Variants in SPEG observed in about 807,000 individuals in gnomAD.
SPEG encodes striated muscle enriched protein kinase, also known as striated muscle preferentially expressed protein kinase.
A neutral mutation model predicts 300.4 loss-of-function variants in SPEG; 114 were observed. That is an observed-to-expected ratio of 0.38 (90% CI 0.33 to 0.44). SPEG has a LOEUF of 0.44. Ranked by LOEUF, SPEG falls within the 20% of genes least tolerant of loss-of-function variation. The probability of loss-of-function intolerance (pLI) is 1.00; values close to 1 mark genes in which losing one functional copy is unlikely to be tolerated. For missense variants in SPEG, 4,201 were observed against 4,586.2 expected (o/e 0.92, Z 2.43); for synonymous variants, 1,964 against 2,018.9 (o/e 0.97, Z 0.73).
At chr2:219,471,111 G>A (rs1321583897) in intron 13 of SPEG, among the ~76,000 whole-genome samples, 2 of 152,120 alleles carry the variant, frequency 1.3e-5, no homozygotes, top group African/African-American at 2.4e-5. Context: ...ATGTGCAGGC[G>A]AGAGGGTTGG....
Position 219,493,294 on chromosome 2 carries a change from C to T in SPEG, c.*508C>T, listed in dbSNP as rs1694136313. The T allele has an allele frequency of 5.6e-6, 2 of 355,964 alleles. No individual in the cohort carries two copies. The highest frequency in any genetic ancestry group is 4.2e-5 in the South Asian group (2 of 47,560). 22.1% of individuals were successfully genotyped at this position (355,964 alleles called of 1,614,324 possible). A position where few individuals can be genotyped will look rare whatever the true frequency, so the allele number is the denominator to read the frequency against. On this transcript the variant is annotated 3_prime_UTR_variant, in exon 41 of 41. Transcript: ENST00000312358. The stretch of plus-strand genomic sequence containing the variant: ...GACATGAGAGAAGGCAGCGAGGCGG[C>T]AGAGGGAGAAGAGAGGACTCAGGTG...
intron 6 of SPEG, among the ~76,000 whole-genome samples, chr2:219,452,116 G>A (rs3770225): frequency 0.96 from 146,094 of 152,280 alleles, 70,306 homozygotes; most frequent in Non-Finnish European, 1. Context: ...ACAGGGTCCT[G>A]TGGGGAAAGC....
At position 219,479,194 on chromosome 2, in the gene SPEG, A is replaced by G. The variant is rs747742461; in HGVS notation, c.5078A>G (p.Glu1693Gly). Residue 1693 changes from glutamate to glycine, a missense_variant, in exon 23 of 41, where the codon GAG (glutamate) becomes GGG (glycine). Physicochemically the swap from Glu to Gly is moderately conservative, Grantham distance 98. Transcript: ENST00000312358. This position sits in a 1 kb window ranked among gnomAD's most constrained non-coding sequence, Gnocchi z 5.5. ...ERIARKPTVC[E>G]SEIRAYMRQV... ...ATCGCCAGGAAACCCACCGTGTGTG[A>G]GTCTGAGGTGAGGGCAGTGGGTGGC... 6.2e-7 allele frequency: 1 copy of G among 1,613,348 alleles called. No homozygotes were observed.
At chr2:219,466,333 G>A (rs950913887) in intron 9 of SPEG, 18 of 1,408,054 alleles carry the variant, frequency 1.3e-5, no homozygotes, top group African/African-American at 5.8e-5. Context: ...GGGCGGCTGC[G>A]AGGGGTATCA....
chr2:219,466,326 C>A, intron 9 of SPEG: 1 of 1,406,582 alleles, frequency 7.1e-7, no homozygotes, highest in East Asian at 2.6e-5. Flanking sequence ...TGGGAAGGGG[C>A]GGCTGCGAGG....
chr2:219,470,083 G>A (rs1217320733), intron 13 of SPEG, among the ~76,000 whole-genome samples: 5 of 152,118 alleles, frequency 3.3e-5, no homozygotes, highest in Non-Finnish European at 7.4e-5. Flanking sequence ...TTTGACCCAC[G>A]ATGATTTCCT....
At chr2:219,466,035 T>C in intron 9 of SPEG, 1 of 1,602,676 alleles carries the variant, frequency 6.2e-7, no homozygotes. Context: ...GCTTGCTGAC[T>C]GAGGTTTTTG....
chr2:219,471,290 C>T (rs768150598), intron 13 of SPEG, among the ~76,000 whole-genome samples: 3 of 152,172 alleles, frequency 2.0e-5, no homozygotes, highest in Non-Finnish European at 2.9e-5. Flanking sequence ...AGATGGAACT[C>T]GGTGTCTCGT....
rs1343104651 is a variant in SPEG at position 219,464,598 on chromosome 2, G to A, written c.2871G>A (p.Leu957=). The change falls in exon 9 of 41, where the codon TTG becomes TTA. Residue 957 remains leucine, a synonymous_variant. Transcript: ENST00000312358. The surrounding 1 kb of genome is among the most constrained non-coding windows in gnomAD (Gnocchi z 4.5). ...GTGCTCGGCAGTGCGAGGCCCGCTT[G>A]GAGGTCCGAGGTGAGTACCTGATTT... The part of the protein sequence containing the change: ...EYGARQCEAR[L]EVRAHPESRS... 3 of 1,613,998 alleles carry A rather than the reference G, an allele frequency of 1.9e-6. No homozygotes were observed. In the Admixed American group the frequency reaches 5.0e-5, roughly 27 times the overall value.
intron 6 of SPEG, among the ~76,000 whole-genome samples, chr2:219,454,959 T>C (rs1245452312): frequency 6.6e-6 from 1 of 152,222 alleles, no homozygotes; most frequent in Admixed American, 6.5e-5. Context: ...CCAGGCGTGG[T>C]GGCATATGCC....
At chr2:219,460,442 A>G (rs904350924) in intron 6 of SPEG, 4 of 985,388 alleles carry the variant, frequency 4.1e-6, no homozygotes, top group Non-Finnish European at 4.8e-6. Context: ...TCTTTGGTGG[A>G]CGTGTCAGAA....
At chr2:219,446,101 G>T (rs1005226649) in intron 3 of SPEG, among the ~76,000 whole-genome samples, 2 of 152,010 alleles carry the variant, frequency 1.3e-5, no homozygotes, top group East Asian at 3.9e-4. Context: ...GGGGCCTGGT[G>T]GGGGAGGCTG....
At position 219,443,261 on chromosome 2, in the gene SPEG, C is replaced by A; in HGVS notation, c.389-1392C>A. ...AAGACAGCCCATGAGATGTGGAACC[C>A]TCCCACTCACCCCCACACTTATCTA... is the stretch of plus-strand genomic sequence containing the variant. On this transcript the variant is annotated intron_variant, in intron 1 of 40. Transcript: ENST00000312358. The surrounding 1 kb of genome is among the most constrained non-coding windows in gnomAD (Gnocchi z 4.6). 9.3e-7 allele frequency: 1 copy of A among 1,077,496 alleles called. No individual in the cohort carries two copies. The highest frequency in any genetic ancestry group is 1.4e-6 in the Non-Finnish European group (1 of 691,864). The allele number at this position is 1,077,496 out of a possible 1,614,324, so 66.7% of individuals were successfully genotyped here.
In SPEG at chr2:219,462,092, G is replaced by A. The variant is rs371071047; in HGVS notation, c.2616+35G>A. On this transcript the variant is annotated intron_variant, in intron 7 of 40. Coordinates refer to ENST00000312358, the MANE Select transcript of SPEG (RefSeq NM_005876.5). Reference sequence around the variant, plus strand: ...CTGAGGCTGGGGCCTAGCCTCCTGTGTGCCCCCGTTCCTTTGGGTGCCCCC... The same window carrying A: ...CTGAGGCTGGGGCCTAGCCTCCTGTATGCCCCCGTTCCTTTGGGTGCCCCC... 1.1e-4 allele frequency: 169 copies of A among 1,542,464 alleles called. 3 individuals are homozygous for A. The highest frequency in any genetic ancestry group is 1.6e-5 in the Non-Finnish European group (18 of 1,140,182).
chr2:219,460,871 A>G, intron 6 of SPEG: 1 of 986,104 alleles, frequency 1.0e-6, no homozygotes, highest in South Asian at 4.7e-5. Flanking sequence ...CAGGCTGGAC[A>G]GGCTGGGCTC....
chr2:219,483,508 G>A lies in SPEG; in HGVS notation c.6045G>A (p.Ser2015=). 1.4e-6 allele frequency: 2 copies of A among 1,418,966 alleles called. No homozygotes were observed. Among genetic ancestry groups the A allele is most frequent in the African/African-American group, 1.5e-5 (1 of 66,636 alleles). The allele number at this position is 1,418,966 out of a possible 1,614,324, so 87.9% of individuals were successfully genotyped here. A position where few individuals can be genotyped will look rare whatever the true frequency, so the allele number is the denominator to read the frequency against. Residue 2015 remains serine (S), a synonymous_variant, in exon 30 of 41, where the codon TCG becomes TCA. Transcript: ENST00000312358. ...PRRGELRRGS[S]AESALPRAGP... ...GGGGAGAGCTCCGCAGGGGCAGCTC[G>A]GCTGAGAGCGCCCTGCCCCGGGCCG...
At position 219,449,289 on chromosome 2, in the gene SPEG, G is replaced by A. The variant is rs1199514817; in HGVS notation, c.2113+18G>A. ...TGAGCTCGGTAAGGCCTCAGGGAGGGCTGACAAGGTGCCTGAACCCCCGTC... is the reference window on the plus strand; with the variant it reads ...TGAGCTCGGTAAGGCCTCAGGGAGGACTGACAAGGTGCCTGAACCCCCGTC... On this transcript the variant is annotated intron_variant, in intron 4 of 40. Transcript: ENST00000312358. 9 of 1,362,952 alleles carry A rather than the reference G, an allele frequency of 6.6e-6. No individual in the cohort carries two copies. Among genetic ancestry groups the A allele is most frequent in the South Asian group, 1.8e-5 (1 of 54,514 alleles). The allele number at this position is 1,362,952 out of a possible 1,614,324, so 84.4% of individuals were successfully genotyped here.
chr2:219,448,474 C>A lies in SPEG; in HGVS notation c.1316C>A (p.Pro439His). ...PLRKARSLEQ[P>H]KSERGAPWGT... is the part of the protein sequence containing the mutation. ...CGCAAGGCCCGCTCTCTGGAGCAGC[C>A]CAAGTCGGAGCGCGGCGCACCGTGG... The change falls in exon 4 of 41, where the codon CCC becomes CAC. Residue 439 changes from proline (P) to histidine (H), a missense_variant. By Grantham distance (77) the Pro-to-His change is moderately conservative (BLOSUM62 -2). Around this residue, in one of 4 missense-constraint regions of SPEG, gnomAD observed 1,258 missense variants for 1,293.9 expected, o/e 0.97. Coordinates refer to ENST00000312358, the MANE Select transcript of SPEG (RefSeq NM_005876.5). The A allele has an allele frequency of 6.8e-7, 1 of 1,477,454 alleles. No homozygotes were observed. The highest frequency in any genetic ancestry group is 1.3e-5 in the South Asian group (1 of 77,192). The allele number at this position is 1,477,454 out of a possible 1,614,324, so 91.5% of individuals were successfully genotyped here.
Position 219,466,482 on chromosome 2 carries a change from CAG to C in SPEG, c.2882-689_2882-688del, listed in dbSNP as rs1469563493. ...GCCTCGGAGCTGAGGTGGGGTGAGA[CAG>C]AGTGGGAGAGATTACGGCATGGCAT... On this transcript the variant is annotated intron_variant, in intron 9 of 40. Coordinates refer to ENST00000312358, the MANE Select transcript of SPEG (RefSeq NM_005876.5). 6.0e-6 allele frequency: 7 copies of C among 1,161,956 alleles called. No homozygotes were observed. The African/African-American group carries it at 7.8e-5, about 13-fold the overall frequency. 72.0% of individuals were successfully genotyped at this position (1,161,956 alleles called of 1,614,324 possible). A position where few individuals can be genotyped will look rare whatever the true frequency, so the allele number is the denominator to read the frequency against.
Sources: allele counts gnomAD v4.1 joint callset (sites outside exome capture counted in the v4.1 genomes callset), GRCh38; gene constraint gnomAD v4.1.1; regional missense constraint gnomAD v4.1.1; non-coding constraint Gnocchi (gnomAD v3.1); transcripts MANE v1.5; gene names NCBI Gene and HGNC (gene_info 2026-07-23, HGNC 2026-07-21).